Variants in INTS6 observed in about 807,000 individuals in gnomAD.
INTS6 encodes the protein integrator complex subunit 6.
A neutral mutation model predicts 104.9 loss-of-function variants in INTS6; 16 were observed. The observed-to-expected ratio is 0.15, with a 90% CI of 0.10 to 0.23. The LOEUF is 0.23. INTS6 is among the 10% of genes least tolerant of loss of function. The pLI is 1.00. For missense variants in INTS6, 584 were observed against 1,062.8 expected, an observed-to-expected ratio of 0.55 and a Z score of 6.26; for synonymous variants, 324 against 358.7, an observed-to-expected ratio of 0.90 and a Z score of 1.09.
chr13:51,403,581 C>CA (rs1290796257), intron 4 of INTS6, among the ~76,000 whole-genome samples: 45 of 20,164 alleles, frequency 2.2e-3, no homozygotes, highest in South Asian at 7.5e-3. Flanking sequence ...GACTCCATTT[C>CA]AAAAAAAAAA....
intron 3 of INTS6, chr13:51,436,709 CTAAG>C (rs1385345296): frequency 2.6e-5 from 4 of 151,974 alleles, no homozygotes; most frequent in East Asian, 3.8e-4. Context: ...ATTGATAAGA[CTAAG>C]TATAACTACA....
chr13:51,383,208 C>T (rs781720862), intron 9 of INTS6, 121 bp downstream of exon 9: 1 of 802,674 alleles, frequency 1.2e-6, no homozygotes, highest in Non-Finnish European at 1.8e-6. Flanking sequence ...AGATGTTCAA[C>T]ATTTTAGAAT....
At chr13:51,404,103 C>CACAGAGAG (rs1491389220) in intron 4 of INTS6, among the ~76,000 whole-genome samples, 139 of 103,962 alleles carry the variant, frequency 1.3e-3, no homozygotes, top group African/African-American at 4.6e-3. Context: ...CACACACACA[C>CACAGAGAG]AGAGAGAGAG....
rs1003965942 is a variant in INTS6, at chr13:51,375,766, T to TGTGC, written c.1729+281_1729+282insGCAC. 5.5e-3 allele frequency among the ~76,000 whole-genome samples: 811 copies of TGTGC among 147,290 alleles called. 5 individuals carry two copies. Among genetic ancestry groups the TGTGC allele is most frequent in the African/African-American group, 8.6e-3 (343 of 39,944 alleles). On this transcript the variant is annotated intron_variant, in intron 13 of 17. Coordinates refer to ENST00000311234, the MANE Select transcript of INTS6 (RefSeq NM_012141.3). ...GTGTGTGTGTGTGTGTGTGTGTGTG[T>TGTGC]GCGCGCGCGTGCGCGCATGAATGCA...
At chr13:51,356,047 A>T (rs1043732752) in intron 3 of INTS6, among the ~76,000 whole-genome samples, 3 of 152,316 alleles carry the variant, frequency 2.0e-5, no homozygotes, top group African/African-American at 7.2e-5. Flanking sequence ...TTTGATCCAC[A>T]AGAGAAGTCT....
intron 4 of INTS6, among the ~76,000 whole-genome samples, chr13:51,416,917 T>C (rs982109785): frequency 2.6e-5 from 4 of 152,226 alleles, no homozygotes; most frequent in East Asian, 1.9e-4. Context: ...TTATATGTCA[T>C]AGTAGGTGTA....
chr13:51,337,424 A>G, the INTS6 span, among the ~76,000 whole-genome samples: 20 of 152,244 alleles, frequency 1.3e-4, no homozygotes, highest in Admixed American at 3.9e-4. Context: ...GTGATTCACC[A>G]CAGCATTCCT....
chr13:51,408,588 A>C (rs1177817039), intron 4 of INTS6, among the ~76,000 whole-genome samples: 1 of 152,226 alleles, frequency 6.6e-6, no homozygotes, highest in East Asian at 1.9e-4. Context: ...TCAAGCACAA[A>C]AACATCAACA....
chr13:51,381,373 T>C (rs1017212848), intron 10 of INTS6, among the ~76,000 whole-genome samples: 17 of 152,210 alleles, frequency 1.1e-4, no homozygotes, highest in African/African-American at 3.6e-4. Flanking sequence ...ATTAGCTATG[T>C]AGCCTTGTGC....
At chr13:51,375,734 GGT>G (rs71684515) in intron 13 of INTS6, among the ~76,000 whole-genome samples, 17,113 of 147,502 alleles carry the variant, frequency 0.12, 1,026 homozygotes, top group South Asian at 0.23. Context: ...TTGATAAGTG[GGT>G]GTGTGTGTGT....
At chr13:51,354,798 T>C (rs1387497727) in intron 3 of INTS6, among the ~76,000 whole-genome samples, 1 of 151,934 alleles carries the variant, frequency 6.6e-6, no homozygotes, top group African/African-American at 2.4e-5. Context: ...GGATAATAAC[T>C]AAAAGACAAT....
chr13:51,413,666 T>C (rs1956730905), intron 4 of INTS6, among the ~76,000 whole-genome samples: 1 of 152,232 alleles, frequency 6.6e-6, no homozygotes, highest in Non-Finnish European at 1.5e-5. Flanking sequence ...TCATGACCTA[T>C]TTTCTCTTTC....
At chr13:51,347,956 TC>T in the INTS6 span, among the ~76,000 whole-genome samples, 35,554 of 147,148 alleles carry the variant, frequency 0.24, 4,386 homozygotes, top group South Asian at 0.35. Context: ...TGTGCCATCG[TC>T]CCCCCCCCCA....
Position 51,452,737 on chromosome 13 carries a change from CCCGCCT to C in INTS6, c.-218_-213del, listed in dbSNP as rs1036142187. 2.7e-3 allele frequency: 3,318 copies of C among 1,245,922 alleles called. 5 individuals are homozygous for C. The highest frequency in any genetic ancestry group is 3.1e-3 in the Non-Finnish European group (3,116 of 990,774). The allele number at this position is 1,245,922 out of a possible 1,614,324, so 77.2% of individuals were successfully genotyped here. A position where few individuals can be genotyped will look rare whatever the true frequency, so the allele number is the denominator to read the frequency against. On this transcript the variant is annotated 5_prime_UTR_variant, in exon 1 of 18. Transcript: ENST00000311234. This position sits in a 1 kb window ranked among gnomAD's most constrained non-coding sequence, Gnocchi z 4.2. Reference sequence around the variant, plus strand: ...CAGACCCAGTGCTCCCCGTCGTACCCCCGCCTCCGCCTCCTCCTGCCTGCCTGCCCG... The same window carrying C: ...CAGACCCAGTGCTCCCCGTCGTACCCCCGCCTCCTCCTGCCTGCCTGCCCG...
At chr13:51,413,893 T>C (rs190671010) in intron 4 of INTS6, among the ~76,000 whole-genome samples, 9 of 152,276 alleles carry the variant, frequency 5.9e-5, no homozygotes, top group South Asian at 2.1e-4. Flanking sequence ...AAGCTTACTT[T>C]ATCACCCCTT....
chr13:51,418,789 A>G (rs1269915680), intron 4 of INTS6, among the ~76,000 whole-genome samples: 1 of 152,214 alleles, frequency 6.6e-6, no homozygotes, highest in African/African-American at 2.4e-5. Flanking sequence ...TTACCCCAAC[A>G]AATTGCAAAG....
At chr13:51,430,532 A>ATATAG in intron 3 of INTS6, 149 bp from the exon 4 acceptor site, 1 of 542,300 alleles carries the variant, frequency 1.8e-6, no homozygotes, top group Admixed American at 3.4e-5. Context: ...TTAAGAAAAG[A>ATATAG]TATAGAACGA....
intron 3 of INTS6, chr13:51,440,336 T>TA (rs1316228692): frequency 2.0e-5 from 3 of 151,112 alleles, no homozygotes; most frequent in African/African-American, 7.2e-5. Context: ...TTTATACAGC[T>TA]ATGTTTGTAT....
At chr13:51,395,544 A>C in intron 4 of INTS6, 61 bp from the exon 5 acceptor site, 1 of 1,432,496 alleles carries the variant, frequency 7.0e-7, no homozygotes, top group Non-Finnish European at 9.4e-7. Context: ...CAAAAAGCCT[A>C]CTTTAATTAC....
Sources: gnomAD v4.1 joint callset for allele counts (sites outside exome capture counted in the v4.1 genomes callset) on GRCh38, gnomAD v4.1.1 for gene constraint, Gnocchi (gnomAD v3.1) non-coding constraint, MANE v1.5 for transcripts, NCBI Gene and HGNC (gene_info 2026-07-23, HGNC 2026-07-21) for gene names.